The following MELK variants were observed in gnomAD, a reference collection of about 807,000 sequenced individuals.
The protein encoded by MELK is pEg3 kinase.
A neutral mutation model predicts 85.0 loss-of-function variants in MELK; 81 were observed. The ratio of observed to expected loss-of-function variants is 0.95; its 90% confidence interval spans 0.80 to 1.15. The LOEUF is 1.15. Among genes scored for constraint, MELK ranks in the 50% most tolerant of loss-of-function variants. The pLI is 0.00. For missense variants in MELK, 754 were observed against 777.5 expected, an observed-to-expected ratio of 0.97 and a Z score of 0.36; for synonymous variants, 252 against 265.0, an observed-to-expected ratio of 0.95 and a Z score of 0.48.
chr9:36,586,217 C>A (rs1299273865), intron 3 of MELK, among the ~76,000 whole-genome samples: 1 of 151,988 alleles, frequency 6.6e-6, no homozygotes, highest in Non-Finnish European at 1.5e-5. Flanking sequence ...GTGGTACACA[C>A]CTGTAGTCCC....
intron 10 of MELK, among the ~76,000 whole-genome samples, chr9:36,638,075 T>C (rs1432061674): frequency 6.6e-6 from 1 of 152,126 alleles, no homozygotes; most frequent in Admixed American, 6.6e-5. Flanking sequence ...TTGGGGGTCA[T>C]CATTTCTCCA....
intron 13 of MELK, among the ~76,000 whole-genome samples, chr9:36,661,232 A>G (rs1831782409): frequency 1.3e-5 from 2 of 152,180 alleles, no homozygotes; most frequent in African/African-American, 4.8e-5. Context: ...GGCAAATTCA[A>G]ACACCTCAAA....
chr9:36,593,097 T>A (rs1277411769), intron 4 of MELK, among the ~76,000 whole-genome samples: 1 of 152,200 alleles, frequency 6.6e-6, no homozygotes, highest in Non-Finnish European at 1.5e-5. Flanking sequence ...ATAATACTTT[T>A]GTAAGCCACT....
intron 8 of MELK, among the ~76,000 whole-genome samples, chr9:36,629,402 T>C (rs1181092575): frequency 1.3e-5 from 2 of 152,200 alleles, no homozygotes; most frequent in Non-Finnish European, 2.9e-5. Flanking sequence ...CCTGATCTTT[T>C]CTTTGATGAC....
intron 7 of MELK, among the ~76,000 whole-genome samples, chr9:36,606,619 GTGTATATATGGACATATA>G (rs1288733034): frequency 1.4e-4 from 21 of 145,960 alleles, no homozygotes; most frequent in South Asian, 8.5e-4. Flanking sequence ...ATATGTATAG[GTGTATATATGGACATATA>G]TGTATATATG....
chr9:36,637,139 A>C (rs1829302946), intron 10 of MELK, among the ~76,000 whole-genome samples: 1 of 151,950 alleles, frequency 6.6e-6, no homozygotes, highest in Non-Finnish European at 1.5e-5. Flanking sequence ...GCCAGCAACT[A>C]GATTTCAAAA....
At chr9:36,587,023 G>GT (rs1264279607) in intron 3 of MELK, among the ~76,000 whole-genome samples, 1 of 151,818 alleles carries the variant, frequency 6.6e-6, no homozygotes, top group African/African-American at 2.4e-5. Context: ...TAATTTTTTT[G>GT]TATTTTTAGT....
chr9:36,599,547 G>T, intron 7 of MELK, 61 bp downstream of exon 7: 1 of 1,268,518 alleles, frequency 7.9e-7, no homozygotes, highest in Non-Finnish European at 1.1e-6. Flanking sequence ...GTCACCTGTA[G>T]TGAGTCAGGC....
intron 10 of MELK, among the ~76,000 whole-genome samples, chr9:36,633,628 ATATT>A (rs1828853583): frequency 6.6e-6 from 1 of 152,210 alleles, no homozygotes; most frequent in Admixed American, 6.5e-5. Context: ...TATACTCTTA[ATATT>A]TATTTATTCA....
chr9:36,631,615 G>T lies in MELK; in HGVS notation c.735+1248G>T, dbSNP rs12005944. ...TTTATAGACAGGGTTTTACTCTGTC[G>T]CCCAGGCTGGAGTGCAGTCATATGA... On this transcript the variant is annotated intron_variant, in intron 9 of 17. Coordinates refer to ENST00000298048, the MANE Select transcript of MELK (RefSeq NM_014791.4). Among the ~76,000 whole-genome samples, 5 of 151,840 alleles carry T rather than the reference G, an allele frequency of 3.3e-5. 1 individual carries two copies. In the South Asian group the frequency reaches 8.3e-4, roughly 25 times the overall value.
At chr9:36,614,655 C>T (rs1826396985) in intron 8 of MELK, among the ~76,000 whole-genome samples, 1 of 112,688 alleles carries the variant, frequency 8.9e-6, no homozygotes, top group Admixed American at 9.3e-5. Context: ...GAGCATGCTG[C>T]CTTCAAGCAT....
At chr9:36,619,773 A>G (rs1200176598) in intron 8 of MELK, among the ~76,000 whole-genome samples, 1 of 152,190 alleles carries the variant, frequency 6.6e-6, no homozygotes. Flanking sequence ...TCTTCTGTCT[A>G]GAGCATCTGC....
intron 2 of MELK, among the ~76,000 whole-genome samples, chr9:36,582,843 A>G (rs1471698675): frequency 1.3e-5 from 2 of 151,836 alleles, no homozygotes; most frequent in African/African-American, 2.4e-5. Context: ...GTTGAAAGGA[A>G]GAAGACCATG....
rs59221247 is a variant in MELK at position 36,625,895 on chromosome 9, C to CAA, written c.667-4394_667-4393dup. Among the ~76,000 whole-genome samples, 269 of 138,368 alleles carry CAA rather than the reference C, an allele frequency of 1.9e-3. 1 individual carries two copies. Among genetic ancestry groups the CAA allele is most frequent in the African/African-American group, 6.4e-3 (249 of 39,196 alleles). 90.8% of individuals were successfully genotyped at this position (138,368 alleles called of 152,430 possible). A position where few individuals can be genotyped will look rare whatever the true frequency, so the allele number is the denominator to read the frequency against. On this transcript the variant is annotated intron_variant, in intron 8 of 17. Transcript: ENST00000298048. ...AAGATTGTGCCGTGAGACTTCATCT[C>CAA]AAAAAAAAAAAGAAAAAATTATGAA... is the stretch of plus-strand genomic sequence containing the variant.
intron 1 of MELK, among the ~76,000 whole-genome samples, chr9:36,579,023 T>A (rs1449118674): frequency 2.1e-5 from 3 of 145,828 alleles, no homozygotes; most frequent in Non-Finnish European, 4.5e-5. Context: ...ATTTATATAT[T>A]TATTTATTTA....
At chr9:36,597,117 A>G (rs1824369600) in intron 5 of MELK, 105 bp from the exon 6 acceptor site, 3 of 873,508 alleles carry the variant, frequency 3.4e-6, no homozygotes, top group Non-Finnish European at 5.5e-6. Context: ...GATTACAGGC[A>G]TGAGCTGCCA....
rs375073240 is a variant in MELK at position 36,671,036 on chromosome 9, T to C, written c.1544T>C (p.Met515Thr). 7 of 1,613,494 alleles carry C rather than the reference T, an allele frequency of 4.3e-6. No homozygotes were observed. Among genetic ancestry groups the C allele is most frequent in the African/African-American group, 1.3e-5 (1 of 75,010 alleles). ...GAATTGGATCTCAACCAAGCACATA[T>C]GGAGGAGACTCCAAAAAGAAAGGGA... ...SVELDLNQAH[M>T]EETPKRKGAK... Residue 515 changes from methionine to threonine, a missense_variant, in exon 16 of 18, where the codon ATG becomes ACG. Physicochemically the swap from Met to Thr is moderately conservative, Grantham distance 81 (BLOSUM62 -1). Transcript: ENST00000298048.
intron 3 of MELK, among the ~76,000 whole-genome samples, chr9:36,585,238 C>CCCATT (rs1447770180): frequency 6.6e-6 from 1 of 151,512 alleles, no homozygotes; most frequent in Non-Finnish European, 1.5e-5. Context: ...GGCTTCTGTA[C>CCCATT]CCATTCCAGT....
intron 8 of MELK, among the ~76,000 whole-genome samples, chr9:36,621,716 C>T (rs897540262): frequency 6.6e-6 from 1 of 152,178 alleles, no homozygotes; most frequent in Non-Finnish European, 1.5e-5. Flanking sequence ...TTTTACCTGT[C>T]TGGACCTTAA....
Sources: gnomAD v4.1 joint callset for allele counts (sites outside exome capture counted in the v4.1 genomes callset) on GRCh38, gnomAD v4.1.1 for gene constraint, MANE v1.5 for transcripts, NCBI Gene and HGNC (gene_info 2026-07-23, HGNC 2026-07-21) for gene names.